SNTB2: variants seen among roughly 807,000 people sequenced by gnomAD.
SNTB2 encodes the protein beta-2-syntrophin.
Under a neutral mutation model 46.2 loss-of-function variants are expected in SNTB2, and 34 were observed. The observed-to-expected ratio is 0.74, with a 90% CI of 0.56 to 0.98. The LOEUF is 0.98. Ranked by LOEUF, SNTB2 falls within the 50% of genes least tolerant of loss-of-function variation. The pLI is 0.00. For missense variants in SNTB2, 603 were observed against 731.4 expected, an observed-to-expected ratio of 0.82 and a Z score of 2.02; for synonymous variants, 290 against 312.6, an observed-to-expected ratio of 0.93 and a Z score of 0.76.
chr16:69,255,158 T>G (rs1567408117), intron 2 of SNTB2, among the ~76,000 whole-genome samples: 2 of 152,060 alleles, frequency 1.3e-5, no homozygotes, highest in African/African-American at 4.8e-5. Flanking sequence ...AGTACAGTGG[T>G]ACTATCATAG....
chr16:69,276,798 A>G (rs1964988954), intron 4 of SNTB2, among the ~76,000 whole-genome samples: 1 of 152,204 alleles, frequency 6.6e-6, no homozygotes, highest in Admixed American at 6.5e-5. Flanking sequence ...CTTAGCATGA[A>G]TCAAGGCAGT....
intron 5 of SNTB2, 27 bp downstream of exon 5, chr16:69,284,271 G>GT (rs749794812): frequency 3.8e-6 from 6 of 1,564,564 alleles, no homozygotes; most frequent in Non-Finnish European, 5.2e-6. Flanking sequence ...TTTATTTCTA[G>GT]TAGTAATTAA....
intron 3 of SNTB2, among the ~76,000 whole-genome samples, chr16:69,265,843 A>G (rs1424707450): frequency 1.3e-5 from 2 of 151,920 alleles, no homozygotes; most frequent in Admixed American, 6.6e-5. Flanking sequence ...AAAAAAAAAA[A>G]AAAAAGAAAT....
At chr16:69,260,606 G>A (rs991763427) in intron 3 of SNTB2, among the ~76,000 whole-genome samples, 1 of 152,124 alleles carries the variant, frequency 6.6e-6, no homozygotes, top group Non-Finnish European at 1.5e-5. Context: ...ATAGCGTCAC[G>A]GCTACTTGAC....
chr16:69,269,164 C>T (rs1234665508), intron 3 of SNTB2, among the ~76,000 whole-genome samples: 2 of 151,026 alleles, frequency 1.3e-5, no homozygotes, highest in Non-Finnish European at 2.9e-5. Flanking sequence ...AGCGAAACTC[C>T]GTCTCAAAAA....
At chr16:69,193,698 C>G (rs1964077286) in intron 1 of SNTB2, among the ~76,000 whole-genome samples, 1 of 152,164 alleles carries the variant, frequency 6.6e-6, no homozygotes, top group Admixed American at 6.5e-5. Flanking sequence ...AATGCACATG[C>G]CTTATTCAAG....
chr16:69,284,698 C>G (rs930603050), intron 5 of SNTB2, among the ~76,000 whole-genome samples: 1 of 151,998 alleles, frequency 6.6e-6, no homozygotes, highest in Non-Finnish European at 1.5e-5. Flanking sequence ...TGCTTGAACT[C>G]GGGAGGCGGA....
At chr16:69,238,621 A>C (rs959567961) in intron 1 of SNTB2, among the ~76,000 whole-genome samples, 1 of 152,156 alleles carries the variant, frequency 6.6e-6, no homozygotes, top group Non-Finnish European at 1.5e-5. Flanking sequence ...TTGATTGTCT[A>C]ATGTATGTCT....
At chr16:69,221,418 A>T (rs1964402856) in intron 1 of SNTB2, among the ~76,000 whole-genome samples, 1 of 152,172 alleles carries the variant, frequency 6.6e-6, no homozygotes, top group Non-Finnish European at 1.5e-5. Flanking sequence ...TGTTTTACTT[A>T]TAAGAAACTA....
Position 69,196,708 on chromosome 16 carries a change from G to A in SNTB2, c.580+8962G>A, listed in dbSNP as rs142162979. Among the ~76,000 whole-genome samples, 94 of 152,098 alleles carry A rather than the reference G, an allele frequency of 6.2e-4. No individual in the cohort carries two copies. In the East Asian group the frequency reaches 0.016, roughly 26 times the overall value. On this transcript the variant is annotated intron_variant, in intron 1 of 6. Transcript: ENST00000336278. ...CTTTTAACAGCCCTGTGAGTCAGGTGGCATCATCCCCATATAAAATATAAA... is the reference window on the plus strand; with the variant it reads ...CTTTTAACAGCCCTGTGAGTCAGGTAGCATCATCCCCATATAAAATATAAA...
At chr16:69,283,669 A>G (rs1965072004) in intron 4 of SNTB2, among the ~76,000 whole-genome samples, 2 of 152,178 alleles carry the variant, frequency 1.3e-5, no homozygotes, top group Admixed American at 6.5e-5. Flanking sequence ...AATCAAAATC[A>G]TATCTTTTTG....
At chr16:69,205,316 A>T (rs1597171445) in intron 1 of SNTB2, among the ~76,000 whole-genome samples, 7 of 130,984 alleles carry the variant, frequency 5.3e-5, no homozygotes, top group South Asian at 4.9e-4. Flanking sequence ...CGCTTGGCAA[A>T]TTTTTTTTTT....
At chr16:69,281,505 T>TG (rs1289827784) in intron 4 of SNTB2, among the ~76,000 whole-genome samples, 3 of 150,126 alleles carry the variant, frequency 2.0e-5, no homozygotes, top group Non-Finnish European at 4.5e-5. Flanking sequence ...TTTTGTTTTT[T>TG]TTTTTTTACA....
At chr16:69,189,449 G>GA (rs958225728) in intron 1 of SNTB2, among the ~76,000 whole-genome samples, 63 of 151,896 alleles carry the variant, frequency 4.1e-4, no homozygotes, top group African/African-American at 1.2e-3. Flanking sequence ...ACCATATTTA[G>GA]AAAAAAAACA....
chr16:69,210,472 A>G (rs1964272026), intron 1 of SNTB2, among the ~76,000 whole-genome samples: 1 of 151,834 alleles, frequency 6.6e-6, no homozygotes, highest in Non-Finnish European at 1.5e-5. Context: ...TCCTGATATC[A>G]GGCAATCCAC....
chr16:69,280,439 C>T (rs1294058016), intron 4 of SNTB2, among the ~76,000 whole-genome samples: 21 of 151,156 alleles, frequency 1.4e-4, no homozygotes, highest in South Asian at 1.0e-3. Flanking sequence ...TAGGGGCGGC[C>T]GGGCAGAGGC....
chr16:69,269,269 A>G (rs1455924361), intron 3 of SNTB2, among the ~76,000 whole-genome samples: 3 of 152,174 alleles, frequency 2.0e-5, no homozygotes, highest in Non-Finnish European at 4.4e-5. Flanking sequence ...CTGTAATCCT[A>G]GCACTTTGGG....
rs755552388 is a variant in SNTB2, at chr16:69,305,759, CT to C, written c.*4849del. 1,232 of 135,734 alleles carry C rather than the reference CT, an allele frequency of 9.1e-3. 2 individuals carry two copies. Among genetic ancestry groups the C allele is most frequent in the Middle Eastern group, 0.012 (3 of 250 alleles). The allele number at this position is 135,734 out of a possible 1,614,324, so 8.4% of individuals were successfully genotyped here. A position where few individuals can be genotyped will look rare whatever the true frequency, so the allele number is the denominator to read the frequency against. On this transcript the variant is annotated 3_prime_UTR_variant, in exon 7 of 7. Transcript: ENST00000336278. The stretch of plus-strand genomic sequence containing the variant: ...AGTTAAATTTCTGTTGTTATTGTGG[CT>C]TTTTTTTTTTTTTAACCCCACTGAA...
chr16:69,244,761 A>G (rs115336078), intron 1 of SNTB2, among the ~76,000 whole-genome samples: 1 of 152,260 alleles, frequency 6.6e-6, no homozygotes, highest in African/African-American at 2.4e-5. Context: ...TCTTGAATAT[A>G]CTTTATTTTT....
Sources: allele counts gnomAD v4.1 joint callset (sites outside exome capture counted in the v4.1 genomes callset), GRCh38; gene constraint gnomAD v4.1.1; transcripts MANE v1.5; gene names NCBI Gene and HGNC (gene_info 2026-07-23, HGNC 2026-07-21).